The following ARK2C variants were observed in gnomAD, a reference collection of about 807,000 sequenced individuals.
ARK2C encodes the protein E3 ubiquitin-protein ligase ARK2C.
the ARK2C span, among the ~76,000 whole-genome samples, chr18:46,362,892 T>G: frequency 3.9e-5 from 6 of 152,320 alleles, no homozygotes; most frequent in East Asian, 9.6e-4. Context: ...AACTGAGTTC[T>G]AAAGGGGAAG....
chr18:46,427,807 G>A, the ARK2C span, among the ~76,000 whole-genome samples: 1 of 152,226 alleles, frequency 6.6e-6, no homozygotes, highest in African/African-American at 2.4e-5. Flanking sequence ...GACAGCTCAA[G>A]GTAGCCACTG....
chr18:46,433,449 C>T, the ARK2C span: 4 of 1,612,898 alleles, frequency 2.5e-6, no homozygotes, highest in Admixed American at 3.3e-5. Flanking sequence ...ACCAGCAATA[C>T]CTCCTGCAGC....
At chr18:46,341,645 G>A in the ARK2C span, among the ~76,000 whole-genome samples, 3 of 152,084 alleles carry the variant, frequency 2.0e-5, no homozygotes, top group Non-Finnish European at 4.4e-5. Flanking sequence ...GGTAGGAAAT[G>A]AACTTCAACA....
At chr18:46,414,081 C>T in the ARK2C span, among the ~76,000 whole-genome samples, 17 of 152,334 alleles carry the variant, frequency 1.1e-4, no homozygotes, top group South Asian at 3.5e-3. Flanking sequence ...CCCAGCAGTT[C>T]TCATCTGAAT....
the ARK2C span, chr18:46,334,402 G>A: frequency 7.0e-7 from 1 of 1,431,658 alleles, no homozygotes; most frequent in South Asian, 1.3e-5. The surrounding 1 kb of genome is among the most constrained non-coding windows in gnomAD (Gnocchi z 4.4). Flanking sequence ...GGCGGGGGCG[G>A]GCGCCGCGGG....
At chr18:46,394,924 A>C in the ARK2C span, among the ~76,000 whole-genome samples, 6 of 152,226 alleles carry the variant, frequency 3.9e-5, no homozygotes, top group Non-Finnish European at 8.8e-5. Flanking sequence ...TTTGACTAAC[A>C]TGAACTTTCA....
chr18:46,420,719 C>T, the ARK2C span, among the ~76,000 whole-genome samples: 1 of 152,010 alleles, frequency 6.6e-6, no homozygotes, highest in Admixed American at 6.5e-5. Context: ...GTGGTGTGTG[C>T]CTGTAATCCC....
chr18:46,447,611 G>A, the ARK2C span: 7 of 1,613,920 alleles, frequency 4.3e-6, no homozygotes, highest in Admixed American at 8.3e-5. Flanking sequence ...TCCAGGTGCG[G>A]CCCATCCCTC....
the ARK2C span, among the ~76,000 whole-genome samples, chr18:46,434,890 A>C: frequency 6.6e-6 from 1 of 152,072 alleles, no homozygotes; most frequent in East Asian, 1.9e-4. Flanking sequence ...AGGAGAGGAG[A>C]AGAGCATGAT....
the ARK2C span, among the ~76,000 whole-genome samples, chr18:46,450,987 G>A: frequency 6.6e-6 from 1 of 152,102 alleles, no homozygotes; most frequent in East Asian, 1.9e-4. Context: ...GTGTGGCCAG[G>A]AGGGAAGATG....
chr18:46,343,675 T>C, the ARK2C span, among the ~76,000 whole-genome samples: 1 of 152,220 alleles, frequency 6.6e-6, no homozygotes, highest in Admixed American at 6.5e-5. Context: ...CCCTGCCTGC[T>C]CTAAAGCACT....
chr18:46,382,593 G>T, the ARK2C span, among the ~76,000 whole-genome samples: 1 of 152,134 alleles, frequency 6.6e-6, no homozygotes, highest in Non-Finnish European at 1.5e-5. Flanking sequence ...ATCTCAGCAG[G>T]CTCAGTTAGC....
the ARK2C span, among the ~76,000 whole-genome samples, chr18:46,408,566 G>A: frequency 6.6e-6 from 1 of 152,228 alleles, no homozygotes; most frequent in African/African-American, 2.4e-5. Flanking sequence ...AGCCTGCTGC[G>A]GGGAGGAAGA....
chr18:46,401,267 C>A, the ARK2C span, among the ~76,000 whole-genome samples: 1 of 152,134 alleles, frequency 6.6e-6, no homozygotes, highest in Non-Finnish European at 1.5e-5. Context: ...CCACACCATC[C>A]CAGGCATGGC....
chr18:46,379,141 C>T, the ARK2C span, among the ~76,000 whole-genome samples: 1 of 152,164 alleles, frequency 6.6e-6, no homozygotes, highest in African/African-American at 2.4e-5. Context: ...AGCCCCCAGG[C>T]CCCCCAACCC....
chr18:46,351,044 G>A, the ARK2C span, among the ~76,000 whole-genome samples: 1 of 152,162 alleles, frequency 6.6e-6, no homozygotes, highest in South Asian at 2.1e-4. Context: ...GCCCTAGCGG[G>A]CAGACCCCAG....
the ARK2C span, among the ~76,000 whole-genome samples, chr18:46,398,768 C>T: frequency 2.0e-5 from 3 of 152,126 alleles, no homozygotes; most frequent in African/African-American, 4.8e-5. Context: ...CCCAAATACT[C>T]GGGCTCCTCC....
chr18:46,355,377 G>A, the ARK2C span, among the ~76,000 whole-genome samples: 234 of 152,204 alleles, frequency 1.5e-3, 2 homozygotes, highest in African/African-American at 5.2e-3. Context: ...TCAGGGCCTC[G>A]GGCTCCTCAC....
chr18:46,423,339 G>A, the ARK2C span, among the ~76,000 whole-genome samples: 1 of 152,174 alleles, frequency 6.6e-6, no homozygotes, highest in East Asian at 1.9e-4. Context: ...GCTCACCTCA[G>A]CCATTCCTCA....
Sources: allele counts gnomAD v4.1 joint callset (sites outside exome capture counted in the v4.1 genomes callset), GRCh38; gene constraint gnomAD v4.1.1; non-coding constraint Gnocchi (gnomAD v3.1); transcripts MANE v1.5; gene names NCBI Gene and HGNC (gene_info 2026-07-23, HGNC 2026-07-21).